Variants in STIM2 observed in about 807,000 individuals in gnomAD.
The protein encoded by STIM2 is stromal interaction molecule 2.
In STIM2, 31 loss-of-function variants were observed where a neutral mutation model predicts 85.8. That is an observed-to-expected ratio of 0.36 (90% CI 0.27 to 0.49). The LOEUF is 0.49. Ranked by LOEUF, STIM2 falls within the 20% of genes least tolerant of loss-of-function variation. The pLI is 0.98. For missense variants in STIM2, 841 were observed against 927.6 expected, an observed-to-expected ratio of 0.91 and a Z score of 1.21; for synonymous variants, 356 against 331.1, an observed-to-expected ratio of 1.08 and a Z score of -0.82.
At chr4:26,942,611 T>C (rs1204622738) in intron 2 of STIM2, among the ~76,000 whole-genome samples, 1 of 152,178 alleles carries the variant, frequency 6.6e-6, no homozygotes, top group Non-Finnish European at 1.5e-5. Context: ...TGTTCAGTTC[T>C]CAGTCTTCAT....
At position 27,017,930 on chromosome 4, in the gene STIM2, T is replaced by C; in HGVS notation, c.1709T>C (p.Leu570Pro). 1 of 1,614,146 alleles carries C rather than the reference T, an allele frequency of 6.2e-7. No homozygotes were observed. Among genetic ancestry groups the C allele is most frequent in the Non-Finnish European group, 8.5e-7 (1 of 1,180,032 alleles). The stretch of plus-strand genomic sequence containing the variant: ...CTCTCAGTGTCAAGTTGCCCTGCGC[T>C]TTATCGAAATGAAGAGGAGGAAGAG... Residue 570 changes from leucine (L) to proline (P), a missense_variant, in exon 11 of 12, where the codon CTT becomes CCT. Transcript: ENST00000467087.
At chr4:26,869,680 A>C (rs906675752) in intron 1 of STIM2, among the ~76,000 whole-genome samples, 2 of 152,052 alleles carry the variant, frequency 1.3e-5, no homozygotes, top group African/African-American at 2.4e-5. Context: ...CAGATGGCTA[A>C]TTAAAAAAAA....
At chr4:27,014,956 A>G (rs1342141269) in intron 10 of STIM2, among the ~76,000 whole-genome samples, 1 of 151,956 alleles carries the variant, frequency 6.6e-6, no homozygotes, top group Admixed American at 6.6e-5. Context: ...AGTTTATACT[A>G]CCTGATATTG....
intron 6 of STIM2, 60 bp from the exon 7 acceptor site, chr4:27,002,867 G>GT: frequency 5.1e-6 from 6 of 1,185,328 alleles, no homozygotes; most frequent in Non-Finnish European, 6.7e-6. Flanking sequence ...TCATTATTTT[G>GT]TAAAAAAAAA....
intron 4 of STIM2, among the ~76,000 whole-genome samples, chr4:26,997,351 CTA>C (rs1577486971): frequency 6.6e-6 from 1 of 152,184 alleles, no homozygotes; most frequent in Non-Finnish European, 1.5e-5. Flanking sequence ...GTAGCCAAAA[CTA>C]TGTTTTATGT....
At chr4:26,888,026 G>C (rs934346409) in intron 1 of STIM2, among the ~76,000 whole-genome samples, 2 of 152,170 alleles carry the variant, frequency 1.3e-5, no homozygotes, top group Non-Finnish European at 2.9e-5. Context: ...CTGCTGATTG[G>C]ATCAGGCCCA....
intron 2 of STIM2, among the ~76,000 whole-genome samples, chr4:26,943,490 A>C (rs1483276399): frequency 2.0e-5 from 3 of 152,136 alleles, no homozygotes; most frequent in African/African-American, 7.2e-5. Flanking sequence ...TGGATCCTTT[A>C]GGCACAACCT....
rs144108709 is a variant in STIM2, at chr4:27,024,427, C to T, written c.*1431C>T. On this transcript the variant is annotated 3_prime_UTR_variant, in exon 12 of 12. Transcript: ENST00000467087. Reference sequence around the variant, plus strand: ...ATACATTTTAGTTAGAATGCTTTTTCAGCATTATGGCTAAAATATATGTCT... The same window carrying T: ...ATACATTTTAGTTAGAATGCTTTTTTAGCATTATGGCTAAAATATATGTCT... The T allele has an allele frequency of 2.0e-5, 3 of 152,176 alleles. No homozygotes were observed. The highest frequency in any genetic ancestry group is 4.4e-5 in the Non-Finnish European group (3 of 68,020). 9.4% of individuals were successfully genotyped at this position (152,176 alleles called of 1,614,324 possible).
chr4:26,907,452 T>C (rs1217145860), intron 1 of STIM2, among the ~76,000 whole-genome samples: 1 of 152,188 alleles, frequency 6.6e-6, no homozygotes, highest in African/African-American at 2.4e-5. Context: ...TTGCAGGCTG[T>C]TAACAAGTAC....
intron 2 of STIM2, among the ~76,000 whole-genome samples, chr4:26,934,358 T>C (rs1016928291): frequency 6.6e-5 from 10 of 152,226 alleles, no homozygotes; most frequent in Admixed American, 6.5e-4. Context: ...TAATGAATTG[T>C]AAAGCAATGT....
rs79992412 is a variant in STIM2 at position 26,903,421 on chromosome 4, A to G, written c.152-16083A>G. Among the ~76,000 whole-genome samples, 602 of 152,294 alleles carry G rather than the reference A, an allele frequency of 4.0e-3. 6 individuals carry two copies. The highest frequency in any genetic ancestry group is 0.014 in the African/African-American group (571 of 41,554). The stretch of plus-strand genomic sequence containing the variant: ...GAACGGTTTTGTTATACACACGTGC[A>G]TACTTGTACTTGATTTTTGCAAAAC... On this transcript the variant is annotated intron_variant, in intron 1 of 11. Coordinates refer to ENST00000467087, the MANE Select transcript of STIM2 (RefSeq NM_020860.4).
At chr4:27,003,745 A>C (rs990360710) in intron 7 of STIM2, among the ~76,000 whole-genome samples, 1 of 151,876 alleles carries the variant, frequency 6.6e-6, no homozygotes. Context: ...AAAGTTCTGG[A>C]GGTCAGAGTG....
intron 1 of STIM2, among the ~76,000 whole-genome samples, chr4:26,902,811 C>A (rs1461412697): frequency 6.6e-6 from 1 of 152,104 alleles, no homozygotes; most frequent in Non-Finnish European, 1.5e-5. Context: ...TGCAGAGTTC[C>A]AGTCTACTAT....
intron 1 of STIM2, among the ~76,000 whole-genome samples, chr4:26,907,006 G>A (rs905109560): frequency 6.6e-6 from 1 of 151,824 alleles, no homozygotes; most frequent in Non-Finnish European, 1.5e-5. Context: ...AACATTGCAT[G>A]TGCTTTGGTG....
chr4:26,875,298 C>T (rs902983584), intron 1 of STIM2, among the ~76,000 whole-genome samples: 2 of 152,018 alleles, frequency 1.3e-5, no homozygotes, highest in African/African-American at 4.8e-5. Context: ...GCACATATGC[C>T]GGTCCTCTGA....
intron 3 of STIM2, among the ~76,000 whole-genome samples, chr4:26,971,740 T>A (rs1726963110): frequency 6.6e-6 from 1 of 152,114 alleles, no homozygotes; most frequent in Non-Finnish European, 1.5e-5. Context: ...CTTTTTTGGT[T>A]CCATATGAAC....
In STIM2 at chr4:26,874,096, C is replaced by T. The variant is rs562495820; in HGVS notation, c.151+12727C>T. 14 of 589,208 alleles carry T rather than the reference C, an allele frequency of 2.4e-5. 1 individual carries two copies. The highest frequency in any genetic ancestry group is 2.2e-4 in the South Asian group (14 of 64,298). The allele number at this position is 589,208 out of a possible 1,614,324, so 36.5% of individuals were successfully genotyped here. The stretch of plus-strand genomic sequence containing the variant: ...GAGGTACTCTTAGCTGAGCGAGCTG[C>T]AGCTTGGAGGCTCTGCTGCCCTGGC... On this transcript the variant is annotated intron_variant, in intron 1 of 11. Transcript: ENST00000467087.
intron 1 of STIM2, among the ~76,000 whole-genome samples, chr4:26,866,331 G>A (rs1248484821): frequency 6.6e-6 from 1 of 152,126 alleles, no homozygotes; most frequent in East Asian, 1.9e-4. Flanking sequence ...GGTTTCTCTG[G>A]TTCCAAAGCT....
At chr4:26,928,258 A>G (rs562280144) in intron 2 of STIM2, among the ~76,000 whole-genome samples, 17 of 152,322 alleles carry the variant, frequency 1.1e-4, no homozygotes, top group African/African-American at 2.9e-4. Flanking sequence ...GCAAATTTCA[A>G]TATGAGTTTT....
Sources: gnomAD v4.1 joint callset for allele counts (sites outside exome capture counted in the v4.1 genomes callset) on GRCh38, gnomAD v4.1.1 for gene constraint, MANE v1.5 for transcripts, NCBI Gene and HGNC (gene_info 2026-07-23, HGNC 2026-07-21) for gene names.